TMEM229B: variants seen among roughly 807,000 people sequenced by gnomAD.
The protein encoded by TMEM229B is chromosome 14 open reading frame 83.
Under a neutral mutation model 13.7 loss-of-function variants are expected in TMEM229B, and 6 were observed. The ratio of observed to expected loss-of-function variants is 0.44; its 90% confidence interval spans 0.24 to 0.86. The LOEUF is 0.86. TMEM229B is among the 40% of genes least tolerant of loss of function. The pLI is 0.23. For missense variants in TMEM229B, 170 were observed against 236.0 expected (o/e 0.72, Z 1.83); for synonymous variants, 107 against 102.1 (o/e 1.05, Z -0.29).
intron 1 of TMEM229B, among the ~76,000 whole-genome samples, chr14:67,514,609 T>C (rs1346142707): frequency 6.6e-6 from 1 of 152,068 alleles, no homozygotes; most frequent in Non-Finnish European, 1.5e-5. Context: ...CAGCCTCTAA[T>C]TCAGGAGGGT....
At chr14:67,529,906 T>G (rs1336407578) in intron 1 of TMEM229B, among the ~76,000 whole-genome samples, 1 of 152,142 alleles carries the variant, frequency 6.6e-6, no homozygotes, top group Non-Finnish European at 1.5e-5. Context: ...CTTCCAACAG[T>G]AACTGAGAAC....
At chr14:67,492,666 G>C (rs2032216265), upstream of TMEM229B, among the ~76,000 whole-genome samples, 2 of 152,238 alleles carry the variant, frequency 1.3e-5, no homozygotes, top group Non-Finnish European at 2.9e-5. Context: ...CTTATGGTGT[G>C]ACAACAGGAC....
intron 1 of TMEM229B, among the ~76,000 whole-genome samples, chr14:67,527,721 T>A (rs1370071274): frequency 1.3e-5 from 2 of 152,180 alleles, no homozygotes; most frequent in Non-Finnish European, 2.9e-5. Context: ...TAATTCCTTA[T>A]CTCCAGGCTG....
chr14:67,477,323 T>A (rs146532077), intron 2 of TMEM229B, among the ~76,000 whole-genome samples: 11 of 152,218 alleles, frequency 7.2e-5, no homozygotes, highest in Non-Finnish European at 1.5e-4. Flanking sequence ...TCTCCATGCC[T>A]TTGCAGGTCC....
chr14:67,514,441 A>G (rs2033130866), intron 1 of TMEM229B, among the ~76,000 whole-genome samples: 1 of 152,188 alleles, frequency 6.6e-6, no homozygotes. Flanking sequence ...GGGCAGGTGA[A>G]GAGCTGGCAG....
intron 1 of TMEM229B, among the ~76,000 whole-genome samples, chr14:67,526,560 C>T (rs775275446): frequency 3.3e-5 from 5 of 152,176 alleles, no homozygotes; most frequent in African/African-American, 4.8e-5. Context: ...CCTGAAACGA[C>T]GCAAAATTGA....
chr14:67,530,569 C>G (rs915987733), intron 1 of TMEM229B, among the ~76,000 whole-genome samples: 21 of 152,134 alleles, frequency 1.4e-4, no homozygotes, highest in African/African-American at 5.1e-4. Context: ...TCTGAAGTGC[C>G]CTAATCAGGA....
intron 1 of TMEM229B, among the ~76,000 whole-genome samples, chr14:67,500,204 G>A (rs188029365): frequency 4.0e-4 from 61 of 152,044 alleles, no homozygotes; most frequent in African/African-American, 1.3e-3. Flanking sequence ...GGCCATATGC[G>A]GTGGCTTATA....
chr14:67,496,405 T>TTTTTTTC, intron 1 of TMEM229B, among the ~76,000 whole-genome samples: 1 of 129,804 alleles, frequency 7.7e-6, no homozygotes, highest in Non-Finnish European at 1.6e-5. Context: ...TTTTTTTTTT[T>TTTTTTTC]TTTTTTTTTT....
At position 67,473,033 on chromosome 14, in the gene TMEM229B, T is replaced by G. The variant is rs576709852; in HGVS notation, c.*387A>C. On this transcript the variant is annotated 3_prime_UTR_variant, in exon 3 of 3. Coordinates refer to ENST00000554480, the MANE Select transcript of TMEM229B (RefSeq NM_001348543.2). The surrounding 1 kb of genome is among the most constrained non-coding windows in gnomAD (Gnocchi z 6.5). ...CAGCCAAAGCTCAACTAAATCCAGA[T>G]CGGAGGGAGGGAGGTCAGGCCTTGC... The G allele has an allele frequency of 8.7e-6, 2 of 229,524 alleles. No individual in the cohort carries two copies. Among genetic ancestry groups the G allele is most frequent in the Non-Finnish European group, 1.7e-5 (2 of 115,778 alleles). The allele number at this position is 229,524 out of a possible 1,614,324, so 14.2% of individuals were successfully genotyped here. A position where few individuals can be genotyped will look rare whatever the true frequency, so the allele number is the denominator to read the frequency against.
intron 1 of TMEM229B, among the ~76,000 whole-genome samples, chr14:67,498,832 A>C: frequency 6.6e-6 from 1 of 151,388 alleles, no homozygotes; most frequent in Admixed American, 6.6e-5. Flanking sequence ...TGCCTGATTA[A>C]TTTTTTTTGT....
intron 1 of TMEM229B, among the ~76,000 whole-genome samples, chr14:67,531,744 AT>A (rs757022456): frequency 0.092 from 12,093 of 131,032 alleles, 445 homozygotes; most frequent in Middle Eastern, 0.13. Flanking sequence ...AAAAAAAAAA[AT>A]TTTTTTTTTT....
At chr14:67,477,766 TA>T (rs1287037591) in intron 2 of TMEM229B, among the ~76,000 whole-genome samples, 1 of 152,186 alleles carries the variant, frequency 6.6e-6, no homozygotes, top group Non-Finnish European at 1.5e-5. Context: ...ACTCTGTCTC[TA>T]AAAAATAAAT....
chr14:67,528,036 GATGAATGT>G (rs2033394054), intron 1 of TMEM229B, among the ~76,000 whole-genome samples: 1 of 152,196 alleles, frequency 6.6e-6, no homozygotes, highest in Non-Finnish European at 1.5e-5. Flanking sequence ...GCAAGCACAT[GATGAATGT>G]ATGAACACAG....
At chr14:67,524,929 T>C in intron 1 of TMEM229B, among the ~76,000 whole-genome samples, 1 of 152,284 alleles carries the variant, frequency 6.6e-6, no homozygotes, top group African/African-American at 2.4e-5. Context: ...AACGTTGGCA[T>C]TAAACTTGAG....
chr14:67,474,767 TGAATTTGACTACTCTG>T (rs1298297817), intron 2 of TMEM229B, among the ~76,000 whole-genome samples: 2 of 152,188 alleles, frequency 1.3e-5, no homozygotes, highest in African/African-American at 4.8e-5. Flanking sequence ...TCTGTCTCTA[TGAATTTGACTACTCTG>T]GGTGCCTCAT....
intron 2 of TMEM229B, among the ~76,000 whole-genome samples, chr14:67,475,480 T>C (rs2031126573): frequency 6.6e-6 from 1 of 152,192 alleles, no homozygotes; most frequent in South Asian, 2.1e-4. Flanking sequence ...TTTTCCACAG[T>C]GGCCACACCA....
chr14:67,480,752 G>A (rs2140087728), intron 2 of TMEM229B, among the ~76,000 whole-genome samples: 1 of 152,300 alleles, frequency 6.6e-6, no homozygotes, highest in Middle Eastern at 3.4e-3. Flanking sequence ...ACATGACTGT[G>A]TGGATCTCAT....
intron 1 of TMEM229B, among the ~76,000 whole-genome samples, chr14:67,500,569 T>G (rs551649639): frequency 1.3e-5 from 2 of 148,434 alleles, no homozygotes; most frequent in Non-Finnish European, 3.0e-5. Flanking sequence ...CCATGTGCAT[T>G]TGGATTTTTT....
Sources: allele counts gnomAD v4.1 joint callset (sites outside exome capture counted in the v4.1 genomes callset), GRCh38; gene constraint gnomAD v4.1.1; non-coding constraint Gnocchi (gnomAD v3.1); transcripts MANE v1.5; gene names NCBI Gene and HGNC (gene_info 2026-07-23, HGNC 2026-07-21).